The following GRAMD2B variants were observed in gnomAD, a reference collection of about 807,000 sequenced individuals.
The protein encoded by GRAMD2B is GRAM domain-containing protein 2B.
Under a neutral mutation model 59.2 loss-of-function variants are expected in GRAMD2B, and 41 were observed. The ratio of observed to expected loss-of-function variants is 0.69; its 90% CI spans 0.54 to 0.90. The LOEUF is 0.90. Among genes scored for constraint, GRAMD2B ranks in the 40% least tolerant of loss-of-function variants. The pLI is 0.00. For synonymous variants in GRAMD2B, 161 were observed against 182.7 expected (o/e 0.88, Z 0.96); for missense variants, 424 against 500.5 (o/e 0.85, Z 1.46).
At chr5:126,450,909 G>A (rs552567896) in intron 1 of GRAMD2B, among the ~76,000 whole-genome samples, 41 of 152,328 alleles carry the variant, frequency 2.7e-4, no homozygotes, top group Middle Eastern at 3.4e-3. Flanking sequence ...CCTGTCGCGC[G>A]GCGTAGCCAA....
At chr5:126,443,488 A>C (rs11744511) in intron 1 of GRAMD2B, among the ~76,000 whole-genome samples, 36,985 of 152,066 alleles carry the variant, frequency 0.24, 4,893 homozygotes, top group Non-Finnish European at 0.31. Context: ...TTAAAAGAAA[A>C]CAGGACCCCT....
intron 1 of GRAMD2B, among the ~76,000 whole-genome samples, chr5:126,383,270 G>A (rs1755817664): frequency 1.3e-5 from 2 of 152,160 alleles, no homozygotes; most frequent in South Asian, 4.1e-4. Context: ...CTCTAAAGAT[G>A]TTTATTATTT....
intron 1 of GRAMD2B, among the ~76,000 whole-genome samples, chr5:126,412,588 T>C (rs540842918): frequency 1.3e-5 from 2 of 152,246 alleles, no homozygotes; most frequent in African/African-American, 4.8e-5. Context: ...GTTGTGTCTT[T>C]ACCAGGTTTT....
chr5:126,371,518 G>A (rs1416039437), exon 1 of GRAMD2B: 6 of 1,289,148 alleles, frequency 4.7e-6, no homozygotes, highest in African/African-American at 4.6e-5. Flanking sequence ...GAAGGCCAAC[G>A]TGGAGGCCTC....
At chr5:126,459,862 G>A (rs189974893) in intron 1 of GRAMD2B, among the ~76,000 whole-genome samples, 32 of 152,294 alleles carry the variant, frequency 2.1e-4, no homozygotes, top group African/African-American at 6.7e-4. Flanking sequence ...AATGTCTACC[G>A]AGGGCAATTT....
chr5:126,382,035 T>G (rs771181368), intron 1 of GRAMD2B, among the ~76,000 whole-genome samples: 3 of 152,310 alleles, frequency 2.0e-5, no homozygotes, highest in Non-Finnish European at 4.4e-5. Flanking sequence ...TTCTACCTTG[T>G]AGGTTTTATG....
At chr5:126,405,832 A>T (rs1316705802) in intron 1 of GRAMD2B, among the ~76,000 whole-genome samples, 2 of 151,974 alleles carry the variant, frequency 1.3e-5, no homozygotes, top group African/African-American at 2.4e-5. Context: ...ACCAAGTAGT[A>T]AAGTTGCATA....
intron 1 of GRAMD2B, among the ~76,000 whole-genome samples, chr5:126,443,766 C>T (rs1001561903): frequency 2.6e-5 from 4 of 152,158 alleles, no homozygotes; most frequent in Non-Finnish European, 4.4e-5. Context: ...CATACAGAGG[C>T]CAGCTGGGTG....
chr5:126,368,297 GC>G (rs1299473681), upstream of GRAMD2B, among the ~76,000 whole-genome samples: 2 of 152,190 alleles, frequency 1.3e-5, no homozygotes, highest in African/African-American at 2.4e-5. Flanking sequence ...TTGGGCAGAG[GC>G]CATGTCTAAA....
At chr5:126,406,398 A>G (rs1476050136) in intron 1 of GRAMD2B, among the ~76,000 whole-genome samples, 1 of 151,894 alleles carries the variant, frequency 6.6e-6, no homozygotes, top group Non-Finnish European at 1.5e-5. Flanking sequence ...TAACTTATAT[A>G]TATTAAAATG....
rs116135254 is a variant in GRAMD2B, at chr5:126,475,444, G to A, written c.486+2076G>A. 5.4e-3 allele frequency among the ~76,000 whole-genome samples: 825 copies of A among 152,280 alleles called. 6 individuals are homozygous for A. Among genetic ancestry groups the A allele is most frequent in the African/African-American group, 0.019 (799 of 41,556 alleles). Reference sequence around the variant, plus strand: ...TCATTTTTTAAAAATCATCATCTAAGTAGATCTCAAATTCTTTTTTTCCAA... The same window carrying A: ...TCATTTTTTAAAAATCATCATCTAAATAGATCTCAAATTCTTTTTTTCCAA... On this transcript the variant is annotated intron_variant, in intron 5 of 13. Coordinates refer to ENST00000285689, the MANE Select transcript of GRAMD2B (RefSeq NM_023927.4).
At chr5:126,484,795 G>A (rs1303986046) in intron 10 of GRAMD2B, among the ~76,000 whole-genome samples, 1 of 151,980 alleles carries the variant, frequency 6.6e-6, no homozygotes, top group Non-Finnish European at 1.5e-5. Flanking sequence ...TTTTGGTCAG[G>A]CTAGTCTCGA....
chr5:126,442,150 A>G (rs1763395091), intron 1 of GRAMD2B, among the ~76,000 whole-genome samples: 1 of 151,632 alleles, frequency 6.6e-6, no homozygotes, highest in Non-Finnish European at 1.5e-5. Flanking sequence ...AAGCAAAAAC[A>G]GATAGGATTT....
chr5:126,391,453 A>C lies in GRAMD2B; in HGVS notation c.125+19886A>C, dbSNP rs550512280. 5.0e-3 allele frequency among the ~76,000 whole-genome samples: 754 copies of C among 152,226 alleles called. 3 individuals are homozygous for C. Among genetic ancestry groups the C allele is most frequent in the Non-Finnish European group, 8.2e-3 (559 of 67,992 alleles). On this transcript the variant is annotated intron_variant, in intron 1 of 8. Coordinates refer to the GRAMD2B transcript ENST00000506445. ...ACAGCAGTATTATTTATAATGCTGAAATAAAACCTGTCCAAATAACAATAA... is the reference window on the plus strand; with the variant it reads ...ACAGCAGTATTATTTATAATGCTGACATAAAACCTGTCCAAATAACAATAA...
chr5:126,486,690 CT>C (rs1467697695), intron 11 of GRAMD2B, among the ~76,000 whole-genome samples, 182 bp from the exon 12 acceptor site: 1 of 152,128 alleles, frequency 6.6e-6, no homozygotes, highest in East Asian at 1.9e-4. Context: ...TTTTAAGTCT[CT>C]TCTAGCTGTA....
chr5:126,471,695 A>C (rs2126830254), intron 3 of GRAMD2B, among the ~76,000 whole-genome samples: 1 of 152,316 alleles, frequency 6.6e-6, no homozygotes, highest in Admixed American at 6.5e-5. Flanking sequence ...ATCCCATTTA[A>C]GCCTCATGGC....
At chr5:126,439,009 G>A (rs79421426) in intron 1 of GRAMD2B, among the ~76,000 whole-genome samples, 4,374 of 152,274 alleles carry the variant, frequency 0.029, 91 homozygotes, top group Admixed American at 0.065. Context: ...AAACATTCCT[G>A]TACACAACCG....
At chr5:126,476,790 C>T (rs1231105096) in intron 5 of GRAMD2B, among the ~76,000 whole-genome samples, 1 of 152,142 alleles carries the variant, frequency 6.6e-6, no homozygotes, top group Admixed American at 6.5e-5. Flanking sequence ...ATTTAGAATT[C>T]TTTTATGTCA....
At chr5:126,459,373 G>A (rs1396340381) in intron 1 of GRAMD2B, among the ~76,000 whole-genome samples, 2 of 152,102 alleles carry the variant, frequency 1.3e-5, no homozygotes, top group African/African-American at 4.8e-5. Context: ...CCTCCAGAGT[G>A]GCTGGAACTA....
Sources: gnomAD v4.1 joint callset for allele counts (sites outside exome capture counted in the v4.1 genomes callset) on GRCh38, gnomAD v4.1.1 for gene constraint, MANE v1.5 for transcripts, NCBI Gene and HGNC (gene_info 2026-07-23, HGNC 2026-07-21) for gene names.